The following PDSS2 variants were observed in gnomAD, a reference collection of about 807,000 sequenced individuals.
The protein encoded by PDSS2 is decaprenyl diphosphate synthase subunit 2, also known as all trans-polyprenyl-diphosphate synthase PDSS2.
PDSS2 carries 31 observed loss-of-function variants against 44.5 expected under a neutral mutation model. That is an observed-to-expected ratio of 0.70 (90% CI 0.52 to 0.94). The LOEUF (loss-of-function observed/expected upper bound fraction) is 0.94. PDSS2 is among the 40% of genes least tolerant of loss of function. The probability of loss-of-function intolerance (pLI) is 0.00; values close to 1 mark genes in which losing one functional copy is unlikely to be tolerated. For missense variants in PDSS2, 452 were observed against 482.2 expected, an observed-to-expected ratio of 0.94 and a Z score of 0.59; for synonymous variants, 157 against 180.3, an observed-to-expected ratio of 0.87 and a Z score of 1.03.
At chr6:107,287,255 CCTTTGGAGCCAAG>C (rs1776185675) in intron 2 of PDSS2, among the ~76,000 whole-genome samples, 1 of 152,052 alleles carries the variant, frequency 6.6e-6, no homozygotes, top group Non-Finnish European at 1.5e-5. Flanking sequence ...AATTGGAAAG[CCTTTGGAGCCAAG>C]CTCTTCAGCT....
intron 1 of PDSS2, among the ~76,000 whole-genome samples, chr6:107,369,233 C>T (rs1320369490): frequency 6.6e-6 from 1 of 152,076 alleles, no homozygotes; most frequent in African/African-American, 2.4e-5. Context: ...GCCTGGCCAA[C>T]ATGGTGAAAC....
In PDSS2 at chr6:107,210,552, G is replaced by A; in HGVS notation, c.895C>T (p.Pro299Ser). Residue 299 changes from proline to serine, a missense_variant, in exon 6 of 8, where the codon CCT becomes TCT. By Grantham distance (74) the Pro-to-Ser change is moderately conservative (BLOSUM62 -1). Coordinates refer to ENST00000369037, the MANE Select transcript of PDSS2 (RefSeq NM_020381.4). ...TCACTGGTCTTTTCTTTAATAAAAGGCTGGACATCAGAATTTATCTACAAG... is the reference window on the plus strand; with the variant it reads ...TCACTGGTCTTTTCTTTAATAAAAGACTGGACATCAGAATTTATCTACAAG... ...MSHKINSDVQ[P>S]FIKEKTSDSM... 1 of 1,596,180 alleles carries A rather than the reference G, an allele frequency of 6.3e-7. No individual in the cohort carries two copies. The highest frequency in any genetic ancestry group is 8.6e-7 in the Non-Finnish European group (1 of 1,163,922).
chr6:107,302,435 G>A (rs1776725757), intron 2 of PDSS2, among the ~76,000 whole-genome samples: 1 of 137,162 alleles, frequency 7.3e-6, no homozygotes, highest in South Asian at 2.3e-4. Context: ...CATCATGCCT[G>A]GCTAATTTTT....
intron 1 of PDSS2, among the ~76,000 whole-genome samples, chr6:107,404,441 T>G (rs1335321994): frequency 6.6e-6 from 1 of 152,206 alleles, no homozygotes; most frequent in Non-Finnish European, 1.5e-5. Context: ...CAATTCACTG[T>G]ATTAGTCCGT....
intron 1 of PDSS2, among the ~76,000 whole-genome samples, chr6:107,433,921 G>C (rs772474019): frequency 3.9e-4 from 59 of 152,244 alleles, no homozygotes; most frequent in Non-Finnish European, 1.3e-4. Flanking sequence ...CAAACAACTT[G>C]AAGGGAAAAA....
At chr6:107,192,439 T>C (rs950254111) in intron 7 of PDSS2, 16 of 481,098 alleles carry the variant, frequency 3.3e-5, no homozygotes, top group African/African-American at 3.1e-4. Context: ...AAAAAATCCT[T>C]AACTGGGGAG....
chr6:107,384,537 A>G (rs1779551523), intron 1 of PDSS2, among the ~76,000 whole-genome samples: 1 of 151,896 alleles, frequency 6.6e-6, no homozygotes. Context: ...GCTACTCAGG[A>G]GGCTGAGGCA....
At chr6:107,376,756 C>T (rs1197768287) in intron 1 of PDSS2, among the ~76,000 whole-genome samples, 1 of 152,044 alleles carries the variant, frequency 6.6e-6, no homozygotes, top group Non-Finnish European at 1.5e-5. Flanking sequence ...TTATTTCCTT[C>T]TCCTGCCTAA....
intron 1 of PDSS2, among the ~76,000 whole-genome samples, chr6:107,352,705 CG>C (rs1159389574): frequency 6.6e-6 from 1 of 152,130 alleles, no homozygotes; most frequent in East Asian, 1.9e-4. Context: ...GTTCTTAACT[CG>C]GGTGATTTTA....
rs532156970 is a variant in PDSS2, at chr6:107,457,622, A to G, written c.296+1368T>C. Among the ~76,000 whole-genome samples the G allele has an allele frequency of 1.7e-4, 26 of 152,216 alleles. No homozygotes were observed. The East Asian group carries it at 2.1e-3, about 12-fold the overall frequency. ...ACATGCCAAATGTCCTCAGGGGGGGAAAATTGCCCCAGTTGAGAACCAGTG... is the reference window on the plus strand; with the variant it reads ...ACATGCCAAATGTCCTCAGGGGGGGGAAATTGCCCCAGTTGAGAACCAGTG... On this transcript the variant is annotated intron_variant, in intron 1 of 7. Coordinates refer to ENST00000369037, the MANE Select transcript of PDSS2 (RefSeq NM_020381.4).
intron 6 of PDSS2, among the ~76,000 whole-genome samples, chr6:107,201,389 G>GAAAAAAAAAAAAAAAAAAAAAAAAAA (rs1772766274): frequency 5.8e-5 from 1 of 17,184 alleles, no homozygotes; most frequent in Non-Finnish European, 1.3e-4. Context: ...CCATACAAAA[G>GAAAAAAAAAAAAAAAAAAAAAAAAAA]CAAAAAAAAA....
chr6:107,188,299 A>ACC (rs1430799768), intron 7 of PDSS2, among the ~76,000 whole-genome samples: 1 of 151,580 alleles, frequency 6.6e-6, no homozygotes, highest in African/African-American at 2.4e-5. Flanking sequence ...GAATCACTTG[A>ACC]CCCCAGGAAG....
chr6:107,360,326 C>A lies in PDSS2; in HGVS notation c.297-25994G>T, dbSNP rs1424372259. Among the ~76,000 whole-genome samples the A allele has an allele frequency of 2.6e-5, 4 of 152,170 alleles. No homozygotes were observed. The East Asian group carries it at 7.7e-4, about 29-fold the overall frequency. ...GCCTTCACACCTGCTGAAGTATAAA[C>A]TGAACAACTGCTTGGTAATAGCAGT... is the stretch of plus-strand genomic sequence containing the variant. On this transcript the variant is annotated intron_variant, in intron 1 of 7. Transcript: ENST00000369037.
chr6:107,301,425 C>A (rs1459262225), intron 2 of PDSS2, among the ~76,000 whole-genome samples: 1 of 151,410 alleles, frequency 6.6e-6, no homozygotes, highest in Admixed American at 6.6e-5. Context: ...GTGCTAAAAA[C>A]ACTTTACCAT....
intron 1 of PDSS2, among the ~76,000 whole-genome samples, chr6:107,360,447 A>C (rs1412279554): frequency 6.6e-6 from 1 of 152,220 alleles, no homozygotes; most frequent in Non-Finnish European, 1.5e-5. Context: ...AGAATTAGTG[A>C]CCAAATGTGA....
At chr6:107,159,542 G>A (rs1288030551) in intron 7 of PDSS2, among the ~76,000 whole-genome samples, 5 of 150,036 alleles carry the variant, frequency 3.3e-5, no homozygotes, top group South Asian at 2.1e-4. Context: ...TCAGCCTCCC[G>A]AGTAGCTGGG....
chr6:107,203,054 A>C (rs968125697), intron 6 of PDSS2, among the ~76,000 whole-genome samples: 6 of 152,148 alleles, frequency 3.9e-5, no homozygotes, highest in African/African-American at 1.4e-4. Context: ...CAGGAAAAAA[A>C]ATCGACTCAG....
chr6:107,291,600 A>G (rs1776352011), intron 2 of PDSS2, among the ~76,000 whole-genome samples: 1 of 150,374 alleles, frequency 6.7e-6, no homozygotes, highest in African/African-American at 2.4e-5. Context: ...TCCTAGCCTC[A>G]AGTGATCCTC....
intron 4 of PDSS2, 55 bp downstream of exon 4, chr6:107,245,493 T>C (rs1260534298): frequency 1.4e-5 from 12 of 848,276 alleles, no homozygotes; most frequent in Non-Finnish European, 2.3e-5. Context: ...TTCGTTATTC[T>C]AGTTGTACCA....
Sources: gnomAD v4.1 joint callset for allele counts (sites outside exome capture counted in the v4.1 genomes callset) on GRCh38, gnomAD v4.1.1 for gene constraint, MANE v1.5 for transcripts, NCBI Gene and HGNC (gene_info 2026-07-23, HGNC 2026-07-21) for gene names.